RAF1: variants seen among roughly 807,000 people sequenced by gnomAD.
RAF1 encodes Raf-1 proto-oncogene, serine/threonine kinase.
In RAF1, 27 loss-of-function variants were observed where a neutral mutation model predicts 81.1. The observed-to-expected ratio is 0.33, with a 90% CI of 0.25 to 0.46. The LOEUF is 0.46. Among genes scored for constraint, RAF1 ranks in the 20% least tolerant of loss-of-function variants. The pLI, the probability that RAF1 is intolerant of heterozygous loss-of-function variation, is 1.00. For missense variants in RAF1, 598 were observed against 826.0 expected (o/e 0.72, Z 3.38); for synonymous variants, 298 against 294.0 (o/e 1.01, Z -0.14).
At chr3:12,653,009 C>T (rs1328431111) in intron 1 of RAF1, among the ~76,000 whole-genome samples, 1 of 151,500 alleles carries the variant, frequency 6.6e-6, no homozygotes, top group African/African-American at 2.4e-5. Context: ...TGGCTGGGTG[C>T]GGTAGCTCAT....
chr3:12,617,895 A>AG (rs2125450739), intron 2 of RAF1, among the ~76,000 whole-genome samples: 1 of 151,060 alleles, frequency 6.6e-6, no homozygotes, highest in Non-Finnish European at 1.5e-5. Context: ...AAAAAAAAGA[A>AG]AAGAAAAAGA....
chr3:12,658,710 G>A (rs571274949), intron 1 of RAF1, among the ~76,000 whole-genome samples: 2 of 152,224 alleles, frequency 1.3e-5, no homozygotes, highest in Admixed American at 6.5e-5. Flanking sequence ...TTTTAAAACC[G>A]TAAACTAGCT....
intron 14 of RAF1, 74 bp downstream of exon 13, chr3:12,587,517 T>G: frequency 1.5e-6 from 2 of 1,367,258 alleles, no homozygotes. Context: ...GAGCCACTTG[T>G]GATAGAAAGC....
At chr3:12,612,495 A>C (rs2059244953) in intron 2 of RAF1, among the ~76,000 whole-genome samples, 1 of 151,956 alleles carries the variant, frequency 6.6e-6, no homozygotes, top group Non-Finnish European at 1.5e-5. Context: ...CTAAAAATAC[A>C]AAAATTAGCC....
intron 8 of RAF1, 73 bp from the exon 8 acceptor site, chr3:12,600,488 G>A (rs2125382392): frequency 5.9e-6 from 9 of 1,525,138 alleles, no homozygotes; most frequent in Non-Finnish European, 8.2e-6. Context: ...AAAAAGAGGA[G>A]GAGGATGTGC....
chr3:12,604,420 G>A, intron 6 of RAF1, 131 bp from the exon 7 acceptor site: 2 of 994,812 alleles, frequency 2.0e-6, no homozygotes, highest in South Asian at 1.4e-5. Flanking sequence ...CAAAATGTTT[G>A]ATTCTTTCAA....
At chr3:12,626,109 T>C (rs2059693855) in intron 1 of RAF1, among the ~76,000 whole-genome samples, 1 of 150,504 alleles carries the variant, frequency 6.6e-6, no homozygotes, top group Non-Finnish European at 1.5e-5. Context: ...CTACTAAAAA[T>C]ACAAAAAATT....
chr3:12,651,872 G>A (rs2125565904), intron 1 of RAF1, among the ~76,000 whole-genome samples: 1 of 151,274 alleles, frequency 6.6e-6, no homozygotes, highest in South Asian at 2.1e-4. Flanking sequence ...AGCCAGGTGT[G>A]GTGGCGCATG....
chr3:12,616,100 A>T (rs2059361072), intron 2 of RAF1, among the ~76,000 whole-genome samples: 1 of 152,144 alleles, frequency 6.6e-6, no homozygotes, highest in Admixed American at 6.6e-5. Flanking sequence ...TTCACTTATG[A>T]ATCAGCCACT....
chr3:12,594,174 T>A (rs1427671241), intron 11 of RAF1, among the ~76,000 whole-genome samples: 1 of 151,884 alleles, frequency 6.6e-6, no homozygotes, highest in Non-Finnish European at 1.5e-5. Context: ...AGAAGAATGG[T>A]TGACTGTGGG....
At chr3:12,588,766 C>G (rs1028090330) in intron 13 of RAF1, 1 of 152,144 alleles carries the variant, frequency 6.6e-6, no homozygotes, top group Non-Finnish European at 1.5e-5. Flanking sequence ...TGGGTAACCT[C>G]TAATGGGTAT....
intron 1 of RAF1, among the ~76,000 whole-genome samples, chr3:12,633,431 T>C (rs1197305955): frequency 6.6e-6 from 1 of 151,264 alleles, no homozygotes; most frequent in Admixed American, 6.6e-5. Flanking sequence ...AGAGCTGTGA[T>C]TGTGTTGTGC....
chr3:12,630,740 C>G (rs1202939122), intron 1 of RAF1, among the ~76,000 whole-genome samples: 1 of 152,100 alleles, frequency 6.6e-6, no homozygotes, highest in African/African-American at 2.4e-5. Flanking sequence ...TTGCCTTTTA[C>G]TGAGTGAAGT....
chr3:12,595,223 T>C (rs1043263702), intron 11 of RAF1, among the ~76,000 whole-genome samples: 4 of 151,894 alleles, frequency 2.6e-5, no homozygotes, highest in African/African-American at 4.8e-5. Context: ...CAGGTGTGCA[T>C]CACCACGCCC....
chr3:12,604,389 C>T (rs1212138129), intron 6 of RAF1, 100 bp from the exon 7 acceptor site: 2 of 1,234,020 alleles, frequency 1.6e-6, no homozygotes, highest in Non-Finnish European at 2.3e-6. Flanking sequence ...TAAGGGCAAA[C>T]TCTACCTGTA....
At chr3:12,648,294 A>G (rs935010382) in intron 1 of RAF1, among the ~76,000 whole-genome samples, 1 of 152,188 alleles carries the variant, frequency 6.6e-6, no homozygotes, top group Non-Finnish European at 1.5e-5. Flanking sequence ...GTTAAAAAAA[A>G]AAAAAAAAAA....
intron 1 of RAF1, among the ~76,000 whole-genome samples, chr3:12,629,867 C>G (rs973403133): frequency 6.0e-4 from 91 of 152,290 alleles, no homozygotes; most frequent in Middle Eastern, 3.4e-3. Context: ...CTCACTGCAG[C>G]CTTGAGCCAC....
At chr3:12,658,289 A>T (rs778158227) in intron 1 of RAF1, among the ~76,000 whole-genome samples, 1 of 152,270 alleles carries the variant, frequency 6.6e-6, no homozygotes, top group African/African-American at 2.4e-5. Flanking sequence ...TGGAACAATT[A>T]TAAGAACATA....
chr3:12,618,713 G>C lies in RAF1; in HGVS notation c.9C>G (p.His3Gln). 6.2e-7 allele frequency: 1 copy of C among 1,614,152 alleles called. No individual in the cohort carries two copies. The highest frequency in any genetic ancestry group is 8.5e-7 in the Non-Finnish European group (1 of 1,180,030). Residue 3 changes from histidine (H) to glutamine (Q), a missense_variant, in exon 2 of 18, where the codon CAC (histidine) becomes CAG (glutamine). His to Gln is a conservative substitution (Grantham distance 24). This residue lies in a region of RAF1 where 83 missense variants were observed against 72.3 expected (regional missense o/e 1.15). Transcript: ENST00000442415. ...TGATCGTCTTCCAAGCTCCCTGTATGTGCTCCATTGATGCAGCTTAAACAA... is the reference window on the plus strand; with the variant it reads ...TGATCGTCTTCCAAGCTCCCTGTATCTGCTCCATTGATGCAGCTTAAACAA...
Sources: gnomAD v4.1 joint callset for allele counts (sites outside exome capture counted in the v4.1 genomes callset) on GRCh38, gnomAD v4.1.1 for gene constraint, gnomAD v4.1.1 regional missense constraint, MANE v1.5 for transcripts, NCBI Gene and HGNC (gene_info 2026-07-23, HGNC 2026-07-21) for gene names.